The following FREM2 variants were observed in gnomAD, a reference collection of about 807,000 sequenced individuals.
FREM2 encodes FRAS1-related extracellular matrix protein 2.
FREM2 carries 119 observed loss-of-function variants against 219.9 expected under a neutral mutation model. The observed-to-expected ratio is 0.54, with a 90% CI of 0.47 to 0.63. The LOEUF (loss-of-function observed/expected upper bound fraction) is 0.63. Among genes scored for constraint, FREM2 ranks in the 30% least tolerant of loss-of-function variants. The pLI is 0.00. For missense variants in FREM2, 4,030 were observed against 3,993.6 expected (o/e 1.01, Z -0.25); for synonymous variants, 1,562 against 1,522.8 (o/e 1.03, Z -0.60).
At chr13:38,841,966 G>A (rs1199182578) in intron 6 of FREM2, among the ~76,000 whole-genome samples, 2 of 152,168 alleles carry the variant, frequency 1.3e-5, no homozygotes, top group Admixed American at 6.5e-5. Flanking sequence ...TTGAGCAAGG[G>A]CTTTGTTTGG....
At chr13:38,716,361 C>T (rs2138101678) in intron 2 of FREM2, among the ~76,000 whole-genome samples, 1 of 152,274 alleles carries the variant, frequency 6.6e-6, no homozygotes, top group Middle Eastern at 3.4e-3. Flanking sequence ...ATCCAGCTTT[C>T]CCACACCCCA....
chr13:38,726,115 G>A (rs371397958), intron 2 of FREM2, among the ~76,000 whole-genome samples: 36 of 152,302 alleles, frequency 2.4e-4, no homozygotes, highest in African/African-American at 8.4e-4. Flanking sequence ...GGTTAGGAAG[G>A]AGGGGGCGAG....
chr13:38,869,569 T>G (rs1878089619), intron 16 of FREM2, among the ~76,000 whole-genome samples: 6 of 152,204 alleles, frequency 3.9e-5, no homozygotes, highest in Admixed American at 3.9e-4. Context: ...GAATTTTACT[T>G]GCCAAGAAAA....
At chr13:38,847,691 A>C (rs982870749) in intron 7 of FREM2, among the ~76,000 whole-genome samples, 5 of 152,284 alleles carry the variant, frequency 3.3e-5, no homozygotes, top group African/African-American at 1.2e-4. Context: ...GCACATTTGG[A>C]GGTAAAGTAG....
intron 4 of FREM2, among the ~76,000 whole-genome samples, chr13:38,772,377 G>C (rs888085596): frequency 6.6e-6 from 1 of 152,160 alleles, no homozygotes; most frequent in Non-Finnish European, 1.5e-5. Flanking sequence ...GGGACGTTTA[G>C]AAGAAGGAAT....
chr13:38,864,577 T>G lies in FREM2; in HGVS notation c.7954T>G (p.Cys2652Gly), dbSNP rs1877889202. The change falls in exon 16 of 24, where the codon TGT (cysteine) becomes GGT (glycine). Residue 2652 changes from cysteine (C) to glycine (G), a missense_variant. Physicochemically the swap from Cys to Gly is radical, Grantham distance 159 (BLOSUM62 -3). Transcript: ENST00000280481. ...YYDMSELLAD[C>G]GGTIGTDGQV... ...TGACATGTCAGAACTCCTTGCTGAC[T>G]GTGGTGGCACCATTGGAACAGATGG... The G allele has an allele frequency of 1.2e-6, 2 of 1,614,080 alleles. No individual in the cohort carries two copies. Among genetic ancestry groups the G allele is most frequent in the African/African-American group, 1.3e-5 (1 of 74,950 alleles).
rs1030740774 is a variant in FREM2, at chr13:38,755,314, A to C, written c.5264-8990A>C. 7.3e-4 allele frequency among the ~76,000 whole-genome samples: 111 copies of C among 152,208 alleles called. 1 individual carries two copies. The highest frequency in any genetic ancestry group is 7.1e-3 in the Admixed American group (109 of 15,296). On this transcript the variant is annotated intron_variant, in intron 2 of 23. Coordinates refer to ENST00000280481, the MANE Select transcript of FREM2 (RefSeq NM_207361.6). Reference sequence around the variant, plus strand: ...TAGAAATCCTATCACAGCTATGCCCAACTCCCCCATAGGAGGAACCCTCCC... The same window carrying C: ...TAGAAATCCTATCACAGCTATGCCCCACTCCCCCATAGGAGGAACCCTCCC...
chr13:38,747,443 C>G (rs1431430095), intron 2 of FREM2, among the ~76,000 whole-genome samples: 2 of 141,758 alleles, frequency 1.4e-5, no homozygotes, highest in African/African-American at 2.7e-5. Context: ...ATCTGTTGCC[C>G]TAAATCTCCA....
chr13:38,869,402 C>T (rs1878082800), intron 16 of FREM2, among the ~76,000 whole-genome samples: 1 of 152,154 alleles, frequency 6.6e-6, no homozygotes, highest in Admixed American at 6.5e-5. Context: ...CTGATTTTGC[C>T]ATCTCATTTA....
chr13:38,818,718 T>G (rs985088035), intron 6 of FREM2, among the ~76,000 whole-genome samples: 1 of 152,070 alleles, frequency 6.6e-6, no homozygotes, highest in Non-Finnish European at 1.5e-5. Context: ...ATCCCAGCAC[T>G]TTGGGAGGTT....
At chr13:38,783,688 A>C (rs1860832611) in intron 5 of FREM2, among the ~76,000 whole-genome samples, 1 of 152,218 alleles carries the variant, frequency 6.6e-6, no homozygotes, top group South Asian at 2.1e-4. Flanking sequence ...AAATAAGTAG[A>C]TTTTCTAAAA....
chr13:38,851,268 C>A (rs1025890860), intron 10 of FREM2, among the ~76,000 whole-genome samples, 160 bp downstream of exon 10: 1 of 152,092 alleles, frequency 6.6e-6, no homozygotes, highest in African/African-American at 2.4e-5. Context: ...AAATGGGGAA[C>A]AAAATAAACC....
chr13:38,701,807 A>G (rs1436807019), intron 2 of FREM2, among the ~76,000 whole-genome samples: 1 of 152,032 alleles, frequency 6.6e-6, no homozygotes, highest in Non-Finnish European at 1.5e-5. Context: ...ACTCTTTTTT[A>G]TGCTTTTCTC....
intron 1 of FREM2, among the ~76,000 whole-genome samples, chr13:38,694,908 A>G (rs999608829): frequency 6.6e-6 from 1 of 152,204 alleles, no homozygotes; most frequent in African/African-American, 2.4e-5. Flanking sequence ...GGGATAATTT[A>G]TAAGCCAGTT....
intron 6 of FREM2, among the ~76,000 whole-genome samples, chr13:38,795,283 G>C (rs1389478637): frequency 6.6e-6 from 1 of 151,486 alleles, no homozygotes; most frequent in African/African-American, 2.4e-5. Flanking sequence ...GTTCAAGCCT[G>C]TTGTACACCC....
At chr13:38,844,347 A>G (rs1466212924) in intron 6 of FREM2, among the ~76,000 whole-genome samples, 1 of 152,118 alleles carries the variant, frequency 6.6e-6, no homozygotes, top group African/African-American at 2.4e-5. Flanking sequence ...CATATAAAAC[A>G]CATGTGTCTG....
intron 2 of FREM2, among the ~76,000 whole-genome samples, chr13:38,708,671 T>A (rs1870636990): frequency 6.6e-6 from 1 of 152,000 alleles, no homozygotes; most frequent in Non-Finnish European, 1.5e-5. Flanking sequence ...AAATAAATAA[T>A]CTTTAAAAAA....
chr13:38,758,930 G>C (rs754345942), intron 2 of FREM2, among the ~76,000 whole-genome samples: 19 of 152,150 alleles, frequency 1.2e-4, no homozygotes, highest in Non-Finnish European at 2.4e-4. Flanking sequence ...CTACTCAGGG[G>C]CCTGAGGTGG....
chr13:38,703,627 G>A (rs963829329), intron 2 of FREM2, among the ~76,000 whole-genome samples: 4 of 152,130 alleles, frequency 2.6e-5, no homozygotes, highest in South Asian at 2.1e-4. Flanking sequence ...GTGCAAGAAC[G>A]AAGTTAAACC....
Sources: gnomAD v4.1 joint callset for allele counts (sites outside exome capture counted in the v4.1 genomes callset) on GRCh38, gnomAD v4.1.1 for gene constraint, MANE v1.5 for transcripts, NCBI Gene and HGNC (gene_info 2026-07-23, HGNC 2026-07-21) for gene names.